Variants in RYR3 observed in about 807,000 individuals in gnomAD.
RYR3 encodes brain ryanodine receptor-calcium release channel.
A neutral mutation model predicts 584.3 loss-of-function variants in RYR3; 207 were observed. The observed-to-expected ratio is 0.35, with a 90% CI of 0.32 to 0.40. RYR3 has a LOEUF of 0.40. RYR3 is among the 10% of genes least tolerant of loss of function. The pLI is 1.00. For synonymous variants in RYR3, 2,416 were observed against 2,248.5 expected (o/e 1.07, Z -2.11); for missense variants, 5,616 against 6,089.2 (o/e 0.92, Z 2.59).
Position 33,564,720 on chromosome 15 carries a change from A to G in RYR3, c.1146+1710A>G, listed in dbSNP as rs145161347. Among the ~76,000 whole-genome samples the G allele has an allele frequency of 1.6e-3, 242 of 152,264 alleles. 1 individual carries two copies. The highest frequency in any genetic ancestry group is 5.5e-3 in the African/African-American group (229 of 41,560). ...GACTCTGTAAATGTGGAGAGATCTCATTTTGCATTGTTGACTTACTGTGCC... is the reference window on the plus strand; with the variant it reads ...GACTCTGTAAATGTGGAGAGATCTCGTTTTGCATTGTTGACTTACTGTGCC... On this transcript the variant is annotated intron_variant, in intron 11 of 103. Transcript: ENST00000634891.
At chr15:33,835,713 A>G (rs562009809) in intron 87 of RYR3, among the ~76,000 whole-genome samples, 20 of 152,336 alleles carry the variant, frequency 1.3e-4, no homozygotes, top group Admixed American at 2.6e-4. Context: ...AGGCTGTCAC[A>G]TCTGCCTCCT....
chr15:33,849,127 C>G (rs748173769), intron 94 of RYR3: 3 of 152,252 alleles, frequency 2.0e-5, no homozygotes, highest in African/African-American at 7.2e-5. Context: ...TGAGCCACCA[C>G]GCCCGGCCTG....
Position 33,566,785 on chromosome 15 carries a change from C to G in RYR3, c.1254C>G (p.Phe418Leu), listed in dbSNP as rs2057740253. The change falls in exon 12 of 104, where the codon TTC becomes TTG. Residue 418 changes from phenylalanine (F) to leucine (L), a missense_variant. By Grantham distance (22) the Phe-to-Leu change is conservative. Coordinates refer to ENST00000634891, the MANE Select transcript of RYR3 (RefSeq NM_001036.6). ...TCATCCGGAACACTACAGCCTTATT[C>G]AGCCAGTTTGTCAGGTATGTTAGCT... ...ARIIRNTTAL[F>L]SQFVSGNNRT... The G allele has an allele frequency of 6.2e-7, 1 of 1,613,746 alleles. No homozygotes were observed. The highest frequency in any genetic ancestry group is 8.5e-7 in the Non-Finnish European group (1 of 1,179,694).
intron 1 of RYR3, among the ~76,000 whole-genome samples, chr15:33,329,419 A>G (rs900595741): frequency 2.0e-5 from 3 of 152,230 alleles, no homozygotes; most frequent in African/African-American, 7.2e-5. Flanking sequence ...CAAATTTACC[A>G]GAATATACTT....
chr15:33,445,664 AACACACACACACACACAC>A (rs61585713), intron 1 of RYR3, among the ~76,000 whole-genome samples: 31 of 106,040 alleles, frequency 2.9e-4, no homozygotes, highest in East Asian at 8.0e-4. Context: ...TTCCCCCACC[AACACACACACACACACAC>A]ACACACACAC....
At chr15:33,847,775 A>G (rs895237530) in intron 93 of RYR3, among the ~76,000 whole-genome samples, 3 of 152,248 alleles carry the variant, frequency 2.0e-5, no homozygotes, top group African/African-American at 7.2e-5. Context: ...CTTCATACAG[A>G]AAGACTGAAT....
chr15:33,774,937 T>G (rs1235214434), intron 64 of RYR3, among the ~76,000 whole-genome samples: 1 of 152,166 alleles, frequency 6.6e-6, no homozygotes, highest in African/African-American at 2.4e-5. Context: ...AGTATCTTTC[T>G]CATTCTCTTG....
At chr15:33,386,591 G>T (rs974037087) in intron 1 of RYR3, among the ~76,000 whole-genome samples, 12 of 152,240 alleles carry the variant, frequency 7.9e-5, no homozygotes, top group Middle Eastern at 3.4e-3. Context: ...GTTCAATATT[G>T]CTAAGTATAT....
intron 60 of RYR3, among the ~76,000 whole-genome samples, chr15:33,760,295 A>C (rs1171612266): frequency 2.0e-5 from 3 of 152,242 alleles, no homozygotes; most frequent in Non-Finnish European, 4.4e-5. Flanking sequence ...GGTAACCTTA[A>C]ATGCAAATGG....
chr15:33,471,921 CTA>C (rs2048966147), intron 1 of RYR3, among the ~76,000 whole-genome samples: 1 of 152,142 alleles, frequency 6.6e-6, no homozygotes, highest in Non-Finnish European at 1.5e-5. Flanking sequence ...TAGGAGGATC[CTA>C]ACGCCCCTGG....
At chr15:33,570,996 G>A (rs2057998620) in intron 12 of RYR3, among the ~76,000 whole-genome samples, 1 of 152,106 alleles carries the variant, frequency 6.6e-6, no homozygotes, top group African/African-American at 2.4e-5. Context: ...TTACATACAG[G>A]ATTATGTCAT....
rs369233619 is a variant in RYR3 at position 33,864,202 on chromosome 15, G to C, written c.14517+13G>C. On this transcript the variant is annotated intron_variant, in intron 103 of 103. Coordinates refer to ENST00000634891, the MANE Select transcript of RYR3 (RefSeq NM_001036.6). ...GCACACGGGTCAGGTGAGAAATTAA[G>C]AATCATATACCCGTGTTAGATCTCC... The C allele has an allele frequency of 1.1e-5, 17 of 1,601,456 alleles. No individual in the cohort carries two copies. Among genetic ancestry groups the C allele is most frequent in the Non-Finnish European group, 1.3e-5 (15 of 1,171,334 alleles).
At chr15:33,736,391 T>A in intron 49 of RYR3, 66 bp downstream of exon 49, 2 of 1,062,804 alleles carry the variant, frequency 1.9e-6, no homozygotes, top group South Asian at 1.4e-5. Flanking sequence ...TAATATGTGA[T>A]GTCTTCACAA....
chr15:33,629,770 T>G (rs2061176955), intron 21 of RYR3, 170 bp from the exon 22 acceptor site: 2 of 541,338 alleles, frequency 3.7e-6, no homozygotes, highest in Middle Eastern at 2.7e-4. Flanking sequence ...GGAGACTGTG[T>G]GTCTCATTGA....
chr15:33,655,137 A>C (rs1360554302), intron 32 of RYR3, among the ~76,000 whole-genome samples: 1 of 152,256 alleles, frequency 6.6e-6, no homozygotes, highest in African/African-American at 2.4e-5. Flanking sequence ...CGCTTGCTTC[A>C]GCAGCTGGGG....
At chr15:33,834,125 T>C (rs753348195) in intron 86 of RYR3, among the ~76,000 whole-genome samples, 7 of 151,928 alleles carry the variant, frequency 4.6e-5, no homozygotes, top group Non-Finnish European at 8.8e-5. Context: ...CTACTAAAAA[T>C]ATAAAAAAAT....
intron 16 of RYR3, among the ~76,000 whole-genome samples, chr15:33,601,031 G>A (rs1169053930): frequency 6.6e-6 from 1 of 152,116 alleles, no homozygotes. Context: ...AGCAGGGCCT[G>A]GATTTTGGGC....
chr15:33,369,798 G>A (rs2141081108), intron 1 of RYR3, among the ~76,000 whole-genome samples: 1 of 152,324 alleles, frequency 6.6e-6, no homozygotes, highest in Non-Finnish European at 1.5e-5. Context: ...TGATAGATGT[G>A]TGTACCTTTC....
intron 54 of RYR3, 90 bp downstream of exon 54, chr15:33,748,350 C>T: frequency 6.5e-7 from 1 of 1,542,146 alleles, no homozygotes; most frequent in Non-Finnish European, 8.9e-7. Flanking sequence ...TAGGTGGGAC[C>T]ATCTAAGATG....
Sources: gnomAD v4.1 joint callset for allele counts (sites outside exome capture counted in the v4.1 genomes callset) on GRCh38, gnomAD v4.1.1 for gene constraint, MANE v1.5 for transcripts, NCBI Gene and HGNC (gene_info 2026-07-23, HGNC 2026-07-21) for gene names.